Variants in CWF19L2 observed in about 807,000 individuals in gnomAD.
CWF19L2 encodes the protein CWF19 like cell cycle control factor 2.
In CWF19L2, 98 loss-of-function variants were observed where a neutral mutation model predicts 111.7. The observed-to-expected ratio is 0.88, with a 90% CI of 0.75 to 1.04. The LOEUF (loss-of-function observed/expected upper bound fraction) is 1.04. Among genes scored for constraint, CWF19L2 ranks in the 50% least tolerant of loss-of-function variants. CWF19L2 has a pLI of 0.00. For synonymous variants in CWF19L2, 351 were observed against 342.9 expected (o/e 1.02, Z -0.26); for missense variants, 1,101 against 1,051.4 (o/e 1.05, Z -0.65).
Position 107,416,638 on chromosome 11 carries a change from A to G in CWF19L2, c.1528-340T>C, listed in dbSNP as rs1226719063. The stretch of plus-strand genomic sequence containing the variant: ...ACTTTCAACTTCGGTTATTGGTAAC[A>G]AAAAAGCTATCACAAGATTTAAACT... On this transcript the variant is annotated intron_variant, in intron 9 of 17. Transcript: ENST00000282251. Among the ~76,000 whole-genome samples the G allele has an allele frequency of 4.6e-5, 7 of 152,368 alleles. No homozygotes were observed. The East Asian group carries it at 9.6e-4, about 21-fold the overall frequency.
At chr11:107,437,679 A>G (rs745458940) in intron 6 of CWF19L2, among the ~76,000 whole-genome samples, 2 of 152,188 alleles carry the variant, frequency 1.3e-5, no homozygotes, top group Non-Finnish European at 2.9e-5. Flanking sequence ...TTCTCCTAGT[A>G]TCTTTGATTC....
Position 107,407,130 on chromosome 11 carries a change from A to G in CWF19L2, c.1617+9079T>C, listed in dbSNP as rs553256642. ...CATCAATCTTCATTAACAACTGTCT[A>G]CTATAATTATTCTAGTCAGAACCTC... On this transcript the variant is annotated intron_variant, in intron 10 of 17. Coordinates refer to ENST00000282251, the MANE Select transcript of CWF19L2 (RefSeq NM_152434.3). Among the ~76,000 whole-genome samples, 68 of 152,122 alleles carry G rather than the reference A, an allele frequency of 4.5e-4. 1 individual carries two copies. Among genetic ancestry groups the G allele is most frequent in the African/African-American group, 1.6e-3 (67 of 41,532 alleles).
At chr11:107,447,068 G>A (rs1401982317) in intron 3 of CWF19L2, among the ~76,000 whole-genome samples, 3 of 152,064 alleles carry the variant, frequency 2.0e-5, no homozygotes, top group Non-Finnish European at 4.4e-5. Flanking sequence ...AAAACTCAAG[G>A]GATCTTGAGG....
chr11:107,441,725 G>A, intron 4 of CWF19L2, 103 bp from the exon 5 acceptor site: 1 of 1,227,720 alleles, frequency 8.1e-7, no homozygotes, highest in East Asian at 2.9e-5. Context: ...AGGGACTTTG[G>A]AGGCAATCAA....
At chr11:107,432,205 A>T (rs1861474503) in intron 7 of CWF19L2, among the ~76,000 whole-genome samples, 1 of 152,194 alleles carries the variant, frequency 6.6e-6, no homozygotes, top group Non-Finnish European at 1.5e-5. Context: ...GTCTTAAATT[A>T]TTATCCCAAA....
At chr11:107,337,953 AACTAT>A (rs1245452868) in intron 14 of CWF19L2, among the ~76,000 whole-genome samples, 23 of 152,194 alleles carry the variant, frequency 1.5e-4, no homozygotes, top group East Asian at 1.9e-4. Context: ...CATCTTATAA[AACTAT>A]ACTATAATAT....
At chr11:107,351,029 A>C (rs1248265148) in intron 13 of CWF19L2, among the ~76,000 whole-genome samples, 1 of 152,212 alleles carries the variant, frequency 6.6e-6, no homozygotes, top group Non-Finnish European at 1.5e-5. Flanking sequence ...ATAGGCGACA[A>C]TAAGGATTCC....
chr11:107,332,904 G>A (rs1357802036), intron 16 of CWF19L2, among the ~76,000 whole-genome samples: 1 of 151,910 alleles, frequency 6.6e-6, no homozygotes, highest in Admixed American at 6.6e-5. Context: ...GGCAGATCAC[G>A]AGGTCAGGAG....
At chr11:107,414,380 A>C (rs143400181) in intron 10 of CWF19L2, among the ~76,000 whole-genome samples, 6 of 152,058 alleles carry the variant, frequency 3.9e-5, no homozygotes, top group African/African-American at 1.4e-4. Flanking sequence ...ATACATCTAA[A>C]TCTGTAATGC....
At chr11:107,453,622 T>C (rs1309137304) in intron 3 of CWF19L2, among the ~76,000 whole-genome samples, 1 of 151,488 alleles carries the variant, frequency 6.6e-6, no homozygotes. Flanking sequence ...CTGTGGTGGC[T>C]ATGGGGAGAG....
chr11:107,433,915 TA>T (rs1258729244), intron 6 of CWF19L2, among the ~76,000 whole-genome samples, 166 bp from the exon 7 acceptor site: 2 of 137,824 alleles, frequency 1.5e-5, no homozygotes, highest in African/African-American at 2.7e-5. Flanking sequence ...TATATATATA[TA>T]TATATTTCAG....
chr11:107,431,698 C>G (rs1216183794), intron 7 of CWF19L2, among the ~76,000 whole-genome samples: 2 of 152,022 alleles, frequency 1.3e-5, no homozygotes, highest in Non-Finnish European at 2.9e-5. Flanking sequence ...TATTTGCTAT[C>G]TGCATAATTT....
chr11:107,373,266 A>C (rs1860542378), intron 12 of CWF19L2, among the ~76,000 whole-genome samples: 1 of 126,776 alleles, frequency 7.9e-6, no homozygotes, highest in East Asian at 2.3e-4. Flanking sequence ...GGTGGAGCCC[A>C]CCACAGCTCA....
chr11:107,423,107 G>C (rs1005724500), intron 8 of CWF19L2, among the ~76,000 whole-genome samples: 11 of 151,882 alleles, frequency 7.2e-5, no homozygotes, highest in African/African-American at 2.7e-4. Context: ...CTGAGTTATT[G>C]CTTGTTTTAT....
chr11:107,344,636 C>G (rs1051990532), intron 14 of CWF19L2, among the ~76,000 whole-genome samples: 25 of 152,236 alleles, frequency 1.6e-4, no homozygotes, highest in African/African-American at 6.0e-4. Context: ...TTCCTAATTG[C>G]TTGTTGAAGC....
intron 6 of CWF19L2, among the ~76,000 whole-genome samples, chr11:107,436,686 C>T (rs944021770): frequency 1.3e-5 from 2 of 152,128 alleles, no homozygotes; most frequent in Admixed American, 6.5e-5. Context: ...AACAAAATCA[C>T]ATCAAAGGAG....
intron 8 of CWF19L2, among the ~76,000 whole-genome samples, chr11:107,422,361 C>T (rs1861313967): frequency 6.6e-6 from 1 of 151,956 alleles, no homozygotes; most frequent in South Asian, 2.1e-4. Context: ...AGAACCAACT[C>T]CCACGAATTC....
chr11:107,402,893 ATATATATAT>A (rs1283106380), intron 10 of CWF19L2, among the ~76,000 whole-genome samples: 4 of 97,344 alleles, frequency 4.1e-5, no homozygotes, highest in East Asian at 5.2e-4. Context: ...ATATATATAT[ATATATATAT>A]AATGGAATAC....
intron 12 of CWF19L2, among the ~76,000 whole-genome samples, chr11:107,372,098 C>G (rs1860518893): frequency 7.5e-6 from 1 of 134,108 alleles, no homozygotes. Flanking sequence ...CTCCAGAAAA[C>G]AAATATTTAT....
Sources: allele counts gnomAD v4.1 joint callset (sites outside exome capture counted in the v4.1 genomes callset), GRCh38; gene constraint gnomAD v4.1.1; transcripts MANE v1.5; gene names NCBI Gene and HGNC (gene_info 2026-07-23, HGNC 2026-07-21).